The following PPARGC1B variants were observed in gnomAD, a reference collection of about 807,000 sequenced individuals.
PPARGC1B encodes PPARG coactivator 1 beta.
In PPARGC1B, 34 loss-of-function variants were observed where a neutral mutation model predicts 101.6. The ratio of observed to expected loss-of-function variants is 0.33; its 90% confidence interval spans 0.25 to 0.45. PPARGC1B has a LOEUF of 0.45. Ranked by LOEUF, PPARGC1B falls within the 20% of genes least tolerant of loss-of-function variation. The pLI, the probability that PPARGC1B is intolerant of heterozygous loss-of-function variation, is 1.00. For synonymous variants in PPARGC1B, 548 were observed against 539.3 expected, an observed-to-expected ratio of 1.02 and a Z score of -0.22; for missense variants, 1,234 against 1,317.6, an observed-to-expected ratio of 0.94 and a Z score of 0.98.
At chr5:149,855,262 A>G (rs1005707852), downstream of PPARGC1B, among the ~76,000 whole-genome samples, 6 of 152,172 alleles carry the variant, frequency 3.9e-5, no homozygotes, top group Non-Finnish European at 5.9e-5. Context: ...CCAGGAGTTC[A>G]AGGCCAGCCT....
chr5:149,766,032 T>C (rs1755902425), intron 1 of PPARGC1B, among the ~76,000 whole-genome samples: 1 of 152,188 alleles, frequency 6.6e-6, no homozygotes, highest in Admixed American at 6.5e-5. Context: ...AATGAATACA[T>C]ATAGAAATGT....
intron 1 of PPARGC1B, among the ~76,000 whole-genome samples, chr5:149,753,360 C>T (rs993372085): frequency 4.4e-4 from 67 of 152,040 alleles, no homozygotes; most frequent in Middle Eastern, 3.4e-3. Context: ...GCATGTGCCA[C>T]CACACCCAGC....
rs775422425 is a variant in PPARGC1B at position 149,854,690 on chromosome 5, G to T, written c.*7132G>T. 6.6e-6 allele frequency: 1 copy of T among 151,942 alleles called. No homozygotes were observed. The highest frequency in any genetic ancestry group is 2.4e-5 in the African/African-American group (1 of 41,354). 9.4% of individuals were successfully genotyped at this position (151,942 alleles called of 1,614,324 possible). On this transcript the variant is annotated 3_prime_UTR_variant, in exon 12 of 12. Coordinates refer to ENST00000309241, the MANE Select transcript of PPARGC1B (RefSeq NM_133263.4). ...GCTTTTACATATTGTGGTTGTCATC[G>T]TCCCTATTTTATTTCTGGTGTGATT...
Position 149,836,436 on chromosome 5 carries a change from C to T in PPARGC1B, c.1981C>T (p.Arg661Ter), listed in dbSNP as rs1759080735. ...AHKLPKKHPERSELLSHLRHA... is the reference protein window; with the variant it reads ...AHKLPKKHPE ...CAAGCTGCCAAAGAAGCACCCAGAG[C>T]GAAGTGAGCTCCTGTCCCACCTGCG... The change falls in exon 8 of 12, where the codon CGA becomes TGA. Residue 661 changes from arginine to a stop codon, truncating the protein, a stop_gained. Transcript: ENST00000309241. LOFTEE classifies it high-confidence loss of function. The T allele has an allele frequency of 1.2e-6, 2 of 1,614,144 alleles. No individual in the cohort carries two copies. Among genetic ancestry groups the T allele is most frequent in the Non-Finnish European group, 1.7e-6 (2 of 1,180,038 alleles).
At chr5:149,807,441 A>G (rs1487219346) in intron 1 of PPARGC1B, among the ~76,000 whole-genome samples, 2 of 152,168 alleles carry the variant, frequency 1.3e-5, no homozygotes, top group Non-Finnish European at 1.5e-5. Context: ...CATGAGCAAC[A>G]GTCACCCTTT....
At chr5:149,794,108 G>C (rs1206215297) in intron 1 of PPARGC1B, among the ~76,000 whole-genome samples, 2 of 152,148 alleles carry the variant, frequency 1.3e-5, no homozygotes, top group Non-Finnish European at 2.9e-5. Context: ...TTACTAGTTG[G>C]CTCTTTACAG....
At chr5:149,822,574 C>A (rs1345916189) in intron 2 of PPARGC1B, among the ~76,000 whole-genome samples, 1 of 152,256 alleles carries the variant, frequency 6.6e-6, no homozygotes, top group East Asian at 1.9e-4. Flanking sequence ...CAGGGCTGTG[C>A]ACAGTGCCTG....
At chr5:149,810,394 G>A (rs1048175800) in intron 1 of PPARGC1B, among the ~76,000 whole-genome samples, 3 of 152,232 alleles carry the variant, frequency 2.0e-5, no homozygotes, top group African/African-American at 7.2e-5. Context: ...GATCCATGCT[G>A]CCGAAGGTGG....
chr5:149,748,837 A>G (rs1471741454), intron 1 of PPARGC1B, among the ~76,000 whole-genome samples: 1 of 152,210 alleles, frequency 6.6e-6, no homozygotes, highest in East Asian at 1.9e-4. Flanking sequence ...CAAAGATGGA[A>G]CACCAAGATT....
intron 1 of PPARGC1B, among the ~76,000 whole-genome samples, chr5:149,791,981 A>G (rs1757039095): frequency 6.6e-6 from 1 of 152,186 alleles, no homozygotes; most frequent in African/African-American, 2.4e-5. Flanking sequence ...TGGGTTCCCT[A>G]TGGGGAAATG....
chr5:149,731,935 G>C (rs1437837466), intron 1 of PPARGC1B, among the ~76,000 whole-genome samples: 2 of 152,158 alleles, frequency 1.3e-5, no homozygotes, highest in African/African-American at 2.4e-5. Flanking sequence ...CCGCGTGGTC[G>C]GTGGCGGGCG....
In PPARGC1B at chr5:149,761,955, C is replaced by T. The variant is rs537860583; in HGVS notation, c.78+31535C>T. Among the ~76,000 whole-genome samples, 21 of 152,174 alleles carry T rather than the reference C, an allele frequency of 1.4e-4. No homozygotes were observed. In the South Asian group the frequency reaches 3.5e-3, roughly 26 times the overall value. Reference sequence around the variant, plus strand: ...CTGACAGAGTGCCTGTCACCATGAGCGCTCAAGTTTTTGCTCTTGGGATTT... The same window carrying T: ...CTGACAGAGTGCCTGTCACCATGAGTGCTCAAGTTTTTGCTCTTGGGATTT... On this transcript the variant is annotated intron_variant, in intron 1 of 11. Transcript: ENST00000309241.
In PPARGC1B at chr5:149,836,862, A is replaced by G; in HGVS notation, c.2407A>G (p.Ser803Gly). The G allele has an allele frequency of 1.2e-6, 2 of 1,612,806 alleles. No homozygotes were observed. The change falls in exon 8 of 12, where the codon AGC becomes GGC. Residue 803 changes from serine (S) to glycine (G), a missense_variant. Ser to Gly is a moderately conservative substitution (Grantham distance 56). This residue lies in a region of PPARGC1B where 497 missense variants were observed against 529.5 expected (regional missense o/e 0.94). Coordinates refer to ENST00000309241, the MANE Select transcript of PPARGC1B (RefSeq NM_133263.4). The stretch of plus-strand genomic sequence containing the variant: ...CAGCAGCAGCAGCAGCGGCGAGAGC[A>G]GCTTCCTCCCAGAGGAGGAAGAGGA... ...EDSSSSSGESSFLPEEEEEEG... is the reference protein window; with the variant it reads ...EDSSSSSGESGFLPEEEEEEG...
chr5:149,827,036 G>T, intron 3 of PPARGC1B, 151 bp downstream of exon 3: 2 of 648,402 alleles, frequency 3.1e-6, no homozygotes, highest in Non-Finnish European at 5.3e-6. Flanking sequence ...GTGGGCCGAA[G>T]GTGGGAGGCC....
At chr5:149,758,084 C>T (rs578094560) in intron 1 of PPARGC1B, among the ~76,000 whole-genome samples, 11 of 152,236 alleles carry the variant, frequency 7.2e-5, no homozygotes, top group African/African-American at 2.2e-4. Context: ...CCACACAGAG[C>T]GCTGTCTGTG....
In PPARGC1B at chr5:149,811,203, C is replaced by A. The variant is rs369799382; in HGVS notation, c.79-9230C>A. Among the ~76,000 whole-genome samples the A allele has an allele frequency of 1.1e-4, 17 of 152,320 alleles. No individual in the cohort carries two copies. The South Asian group carries it at 1.2e-3, about 11-fold the overall frequency. The stretch of plus-strand genomic sequence containing the variant: ...GTCATCTTCCCTCCATAGTCCACAC[C>A]CACAGTGCCAGGGTTCTAGTTTCCA... On this transcript the variant is annotated intron_variant, in intron 1 of 11. Transcript: ENST00000309241.
At chr5:149,736,164 T>G (rs1754700360) in intron 1 of PPARGC1B, among the ~76,000 whole-genome samples, 1 of 152,080 alleles carries the variant, frequency 6.6e-6, no homozygotes, top group African/African-American at 2.4e-5. Flanking sequence ...AAAGAAAGAA[T>G]GCAGAACAAG....
chr5:149,783,914 T>C (rs1002432110), intron 1 of PPARGC1B, among the ~76,000 whole-genome samples: 29 of 152,146 alleles, frequency 1.9e-4, no homozygotes, highest in Non-Finnish European at 4.0e-4. Flanking sequence ...GCAGTAACCA[T>C]GTTTATACCC....
intron 1 of PPARGC1B, among the ~76,000 whole-genome samples, chr5:149,744,704 C>A (rs755828329): frequency 5.9e-5 from 9 of 152,176 alleles, no homozygotes; most frequent in Non-Finnish European, 1.0e-4. Flanking sequence ...GTTAGTCTAG[C>A]CATAAAGCTT....
Sources: gnomAD v4.1 joint callset for allele counts (sites outside exome capture counted in the v4.1 genomes callset) on GRCh38, gnomAD v4.1.1 for gene constraint, gnomAD v4.1.1 regional missense constraint, MANE v1.5 for transcripts, NCBI Gene and HGNC (gene_info 2026-07-23, HGNC 2026-07-21) for gene names.